Variants in VWA8 observed in about 807,000 individuals in gnomAD.
VWA8 encodes the protein von Willebrand factor A domain containing 8.
Under a neutral mutation model 241.5 loss-of-function variants are expected in VWA8, and 221 were observed. That is an observed-to-expected ratio of 0.91 (90% CI 0.82 to 1.02). VWA8 has a LOEUF of 1.02. Ranked by LOEUF, VWA8 falls within the 50% of genes least tolerant of loss-of-function variation. VWA8 has a pLI of 0.00. For missense variants in VWA8, 2,322 were observed against 2,328.7 expected (o/e 1.00, Z 0.06); for synonymous variants, 852 against 827.1 (o/e 1.03, Z -0.52).
chr13:41,785,526 G>A (rs1461773251), intron 18 of VWA8, among the ~76,000 whole-genome samples: 3 of 151,742 alleles, frequency 2.0e-5, no homozygotes, highest in Admixed American at 6.6e-5. Flanking sequence ...TGTGCTAAGC[G>A]TTTTGGAAGA....
chr13:41,732,021 G>T, intron 22 of VWA8, 59 bp downstream of exon 22: 2 of 1,494,960 alleles, frequency 1.3e-6, no homozygotes, highest in Non-Finnish European at 9.3e-7. Context: ...TCCAAAAACT[G>T]AAATACAACT....
intron 15 of VWA8, among the ~76,000 whole-genome samples, chr13:41,818,849 A>G (rs1173871469): frequency 1.3e-5 from 2 of 152,174 alleles, no homozygotes; most frequent in Non-Finnish European, 2.9e-5. Flanking sequence ...GGATTCGAAA[A>G]TGGCCTCCAC....
chr13:41,853,973 ATG>A (rs1872631699), intron 12 of VWA8, among the ~76,000 whole-genome samples: 1 of 147,584 alleles, frequency 6.8e-6, no homozygotes, highest in African/African-American at 2.7e-5. Context: ...CAAGATATAC[ATG>A]TTTTATATTT....
intron 30 of VWA8, among the ~76,000 whole-genome samples, chr13:41,692,636 A>G (rs2045185911): frequency 6.6e-6 from 1 of 152,124 alleles, no homozygotes; most frequent in African/African-American, 2.4e-5. Flanking sequence ...CAGTCCTGGC[A>G]AATCTTCATG....
At chr13:41,605,302 T>A (rs559359778) in intron 39 of VWA8, 26 bp from the exon 40 acceptor site, 1 of 1,607,912 alleles carries the variant, frequency 6.2e-7, no homozygotes, top group South Asian at 1.1e-5. Context: ...TATAAAAAGT[T>A]AACAGCTTAA....
intron 2 of VWA8, among the ~76,000 whole-genome samples, chr13:41,919,734 C>T (rs939552758): frequency 2.6e-5 from 4 of 152,244 alleles, no homozygotes; most frequent in Non-Finnish European, 5.9e-5. Context: ...ACACCACACC[C>T]ATGCAACATC....
chr13:41,673,155 G>T (rs2045037128), intron 36 of VWA8, among the ~76,000 whole-genome samples: 1 of 152,188 alleles, frequency 6.6e-6, no homozygotes, highest in Non-Finnish European at 1.5e-5. Flanking sequence ...GTAGAGTGAA[G>T]CCTAAATTTA....
In VWA8 at chr13:41,763,181, T is replaced by A. The variant is rs551423659; in HGVS notation, c.2350-1977A>T. Reference sequence around the variant, plus strand: ...GCACATGCCTGTAGTCCTAGCTACTTGGGAGGCTGAGGTGGAAGGATCTCT... The same window carrying A: ...GCACATGCCTGTAGTCCTAGCTACTAGGGAGGCTGAGGTGGAAGGATCTCT... On this transcript the variant is annotated intron_variant, in intron 20 of 44. Coordinates refer to ENST00000379310, the MANE Select transcript of VWA8 (RefSeq NM_015058.2). 2.6e-5 allele frequency among the ~76,000 whole-genome samples: 4 copies of A among 152,000 alleles called. No individual in the cohort carries two copies. In the South Asian group the frequency reaches 8.3e-4, roughly 32 times the overall value.
intron 3 of VWA8, among the ~76,000 whole-genome samples, chr13:41,911,341 G>A (rs1409292270): frequency 6.6e-6 from 1 of 152,148 alleles, no homozygotes; most frequent in African/African-American, 2.4e-5. Context: ...TGGGATTACA[G>A]GTGTGAGCCA....
chr13:41,656,783 A>G (rs2044909181), intron 37 of VWA8, among the ~76,000 whole-genome samples: 2 of 152,228 alleles, frequency 1.3e-5, no homozygotes, highest in South Asian at 4.1e-4. Flanking sequence ...AAGAAGTCCT[A>G]ACTTAGAGGA....
chr13:41,709,664 A>G (rs985096883), intron 26 of VWA8, among the ~76,000 whole-genome samples: 2 of 151,734 alleles, frequency 1.3e-5, no homozygotes, highest in East Asian at 1.9e-4. Context: ...CAGCCTCTCT[A>G]TCTTCACTGA....
intron 37 of VWA8, among the ~76,000 whole-genome samples, chr13:41,659,978 T>A (rs2044937664): frequency 6.6e-6 from 1 of 152,216 alleles, no homozygotes. Context: ...CACCTTGATG[T>A]CTGTTTTCAT....
chr13:41,641,266 G>T (rs1399248743), intron 37 of VWA8, among the ~76,000 whole-genome samples: 1 of 152,190 alleles, frequency 6.6e-6, no homozygotes, highest in African/African-American at 2.4e-5. Flanking sequence ...GAGAAAGGAT[G>T]TCCTGGGGTA....
At chr13:41,609,919 C>G (rs1211105497) in intron 39 of VWA8, among the ~76,000 whole-genome samples, 1 of 152,176 alleles carries the variant, frequency 6.6e-6, no homozygotes, top group East Asian at 1.9e-4. Context: ...GTTAAGGGCA[C>G]AGATGCCCCT....
chr13:41,950,885 T>C (rs1878104137), intron 1 of VWA8, among the ~76,000 whole-genome samples: 1 of 150,336 alleles, frequency 6.7e-6, no homozygotes, highest in African/African-American at 2.4e-5. Flanking sequence ...GCCAGGCTGG[T>C]CTTGAACTCC....
chr13:41,782,972 A>C (rs1357278235), intron 19 of VWA8, among the ~76,000 whole-genome samples: 1 of 151,316 alleles, frequency 6.6e-6, no homozygotes, highest in African/African-American at 2.4e-5. Flanking sequence ...CCTTTAAAAA[A>C]GAAAGGAAAA....
At chr13:41,829,462 T>C (rs1388178653) in intron 14 of VWA8, among the ~76,000 whole-genome samples, 1 of 150,172 alleles carries the variant, frequency 6.7e-6, no homozygotes, top group Non-Finnish European at 1.5e-5. Flanking sequence ...AGCAACAGAA[T>C]TCACAATTGC....
intron 13 of VWA8, among the ~76,000 whole-genome samples, chr13:41,831,408 C>T (rs776569727): frequency 3.9e-5 from 6 of 152,126 alleles, no homozygotes; most frequent in Admixed American, 1.3e-4. Flanking sequence ...TCTAAACTCT[C>T]GTCTTCCATA....
At chr13:41,605,358 C>T in intron 39 of VWA8, 82 bp from the exon 40 acceptor site, 1 of 1,289,324 alleles carries the variant, frequency 7.8e-7, no homozygotes, top group Non-Finnish European at 1.1e-6. Context: ...CCTGCTGGAA[C>T]TTTAGCAAAC....
Sources: allele counts gnomAD v4.1 joint callset (sites outside exome capture counted in the v4.1 genomes callset), GRCh38; gene constraint gnomAD v4.1.1; transcripts MANE v1.5; gene names NCBI Gene and HGNC (gene_info 2026-07-23, HGNC 2026-07-21).